CAPZB: variants seen among roughly 807,000 people sequenced by gnomAD.
CAPZB encodes the protein F-actin-capping protein subunit beta.
CAPZB carries 2 observed loss-of-function variants against 38.1 expected under a neutral mutation model. The observed-to-expected ratio is 0.05, with a 90% CI of 0.02 to 0.17. The LOEUF (loss-of-function observed/expected upper bound fraction) is 0.17. Among genes scored for constraint, CAPZB ranks in the 10% least tolerant of loss-of-function variants. The pLI is 1.00. For missense variants in CAPZB, 161 were observed against 334.2 expected (o/e 0.48, Z 4.04); for synonymous variants, 107 against 127.4 (o/e 0.84, Z 1.08).
chr1:19,402,297 C>CCACT (rs2094307264), intron 2 of CAPZB, among the ~76,000 whole-genome samples: 1 of 152,218 alleles, frequency 6.6e-6, no homozygotes, highest in African/African-American at 2.4e-5. Flanking sequence ...GGCAACAAGG[C>CCACT]CACTGCCTCC....
At chr1:19,384,148 A>G (rs1208647730) in intron 3 of CAPZB, among the ~76,000 whole-genome samples, 1 of 152,122 alleles carries the variant, frequency 6.6e-6, no homozygotes, top group Non-Finnish European at 1.5e-5. Context: ...TATCCCCCCA[A>G]TAAATAACCC....
intron 1 of CAPZB, among the ~76,000 whole-genome samples, chr1:19,461,214 G>A (rs1301258882): frequency 6.6e-6 from 1 of 152,184 alleles, no homozygotes; most frequent in African/African-American, 2.4e-5. Flanking sequence ...GAAGGGACTT[G>A]CACAAGGTCA....
chr1:19,372,797 C>A (rs1220981618), intron 4 of CAPZB, among the ~76,000 whole-genome samples: 1 of 152,146 alleles, frequency 6.6e-6, no homozygotes, highest in South Asian at 2.1e-4. Flanking sequence ...GTGCTCAGTT[C>A]TCGTGACATC....
intron 2 of CAPZB, among the ~76,000 whole-genome samples, chr1:19,396,497 G>A (rs557452391): frequency 3.3e-5 from 5 of 152,256 alleles, no homozygotes; most frequent in East Asian, 1.9e-4. Context: ...CGCCTGCTGT[G>A]GAGCTGCCGC....
intron 4 of CAPZB, among the ~76,000 whole-genome samples, chr1:19,374,639 C>T (rs1349992048): frequency 1.3e-5 from 2 of 152,204 alleles, no homozygotes; most frequent in Non-Finnish European, 2.9e-5. Context: ...CCGGCCACTC[C>T]CCTTTTCTCC....
intron 1 of CAPZB, among the ~76,000 whole-genome samples, chr1:19,447,435 A>G (rs1426877959): frequency 1.5e-5 from 2 of 135,506 alleles, no homozygotes; most frequent in Non-Finnish European, 3.1e-5. Flanking sequence ...GGGTTTCACC[A>G]TGTTGGCCAG....
chr1:19,392,432 C>T (rs1014197014), intron 2 of CAPZB, among the ~76,000 whole-genome samples: 1 of 151,302 alleles, frequency 6.6e-6, no homozygotes, highest in African/African-American at 2.4e-5. Context: ...AGGAGCAAAG[C>T]GCGGCTGGAG....
intron 1 of CAPZB, among the ~76,000 whole-genome samples, chr1:19,432,832 C>T (rs931452684): frequency 1.3e-5 from 2 of 152,230 alleles, no homozygotes; most frequent in Non-Finnish European, 2.9e-5. Context: ...TAATTTCTAA[C>T]GACTTGTAGG....
chr1:19,375,510 G>A (rs1018782762), intron 4 of CAPZB, among the ~76,000 whole-genome samples: 6 of 152,222 alleles, frequency 3.9e-5, no homozygotes, highest in African/African-American at 1.4e-4. Flanking sequence ...GGAACAGAAC[G>A]GCACCAGCCT....
chr1:19,481,496 G>C (rs894900719), intron 1 of CAPZB, among the ~76,000 whole-genome samples: 1 of 152,210 alleles, frequency 6.6e-6, no homozygotes, highest in African/African-American at 2.4e-5. Flanking sequence ...GGTCACTCAA[G>C]CTCTCAAGCT....
intron 2 of CAPZB, among the ~76,000 whole-genome samples, chr1:19,393,333 C>T (rs779240043): frequency 6.6e-6 from 1 of 152,162 alleles, no homozygotes; most frequent in Non-Finnish European, 1.5e-5. Flanking sequence ...AAGTGGTACC[C>T]CTGAGTAACC....
At chr1:19,377,270 T>G (rs2094149192) in intron 4 of CAPZB, among the ~76,000 whole-genome samples, 1 of 152,194 alleles carries the variant, frequency 6.6e-6, no homozygotes, top group Non-Finnish European at 1.5e-5. Context: ...GTAAGAACCT[T>G]TAAAAGACTG....
intron 2 of CAPZB, among the ~76,000 whole-genome samples, chr1:19,402,593 G>C (rs4912085): frequency 0.64 from 97,254 of 152,090 alleles, 31,557 homozygotes; most frequent in African/African-American, 0.75. Flanking sequence ...CAGAAACCCA[G>C]CTGCTCCTGC....
intron 4 of CAPZB, among the ~76,000 whole-genome samples, chr1:19,375,000 C>A (rs116764033): frequency 0.012 from 1,812 of 152,238 alleles, 32 homozygotes; most frequent in African/African-American, 0.041. Flanking sequence ...CTGGCCAATG[C>A]CCCTCAGGAG....
At chr1:19,469,720 T>C (rs1287756827) in intron 1 of CAPZB, among the ~76,000 whole-genome samples, 1 of 140,716 alleles carries the variant, frequency 7.1e-6, no homozygotes. Flanking sequence ...GGAAGGAAGA[T>C]ACTCAAAAGG....
In CAPZB at chr1:19,359,222, T is replaced by C. The variant is rs527453057; in HGVS notation, c.330-1659A>G. ...AATTCTCTGTACTCTTTTTTTTTTT[T>C]TTTTTTTTTTGCAATTTTACAGTAA... On this transcript the variant is annotated intron_variant, in intron 4 of 8. Coordinates refer to ENST00000264202, the MANE Select transcript of CAPZB (RefSeq NM_004930.5). Among the ~76,000 whole-genome samples, 52 of 151,120 alleles carry C rather than the reference T, an allele frequency of 3.4e-4. 1 individual carries two copies. In the South Asian group the frequency reaches 8.6e-3, roughly 25 times the overall value.
chr1:19,432,042 CA>C (rs10583269), intron 1 of CAPZB, among the ~76,000 whole-genome samples: 21 of 122,556 alleles, frequency 1.7e-4, no homozygotes, highest in African/African-American at 5.4e-4. Context: ...GATCCTGTCT[CA>C]AAAAAAAAAA....
chr1:19,475,958 T>C (rs143191758), intron 1 of CAPZB, among the ~76,000 whole-genome samples: 1 of 152,104 alleles, frequency 6.6e-6, no homozygotes, highest in Non-Finnish European at 1.5e-5. Context: ...CTCCTAAGGA[T>C]AAGAAACAAA....
chr1:19,420,607 AG>A (rs1200002590), intron 1 of CAPZB, among the ~76,000 whole-genome samples: 25 of 103,020 alleles, frequency 2.4e-4, no homozygotes, highest in African/African-American at 7.5e-4. Flanking sequence ...TTTGGGGGGG[AG>A]GGGGGGAACA....
Sources: allele counts gnomAD v4.1 joint callset (sites outside exome capture counted in the v4.1 genomes callset), GRCh38; gene constraint gnomAD v4.1.1; transcripts MANE v1.5; gene names NCBI Gene and HGNC (gene_info 2026-07-23, HGNC 2026-07-21).